DNAJA2: variants seen among roughly 807,000 people sequenced by gnomAD.
The protein encoded by DNAJA2 is dnaJ homolog subfamily A member 2.
Under a neutral mutation model 49.3 loss-of-function variants are expected in DNAJA2, and 6 were observed. The ratio of observed to expected loss-of-function variants is 0.12; its 90% confidence interval spans 0.07 to 0.24. The LOEUF is 0.24. DNAJA2 is among the 10% of genes least tolerant of loss of function. The probability of loss-of-function intolerance (pLI) is 1.00; values close to 1 mark genes in which losing one functional copy is unlikely to be tolerated. For synonymous variants in DNAJA2, 160 were observed against 172.7 expected (o/e 0.93, Z 0.58); for missense variants, 347 against 516.8 (o/e 0.67, Z 3.19).
At chr16:46,962,221 AG>A (rs1567353138) in intron 6 of DNAJA2, among the ~76,000 whole-genome samples, 1 of 152,238 alleles carries the variant, frequency 6.6e-6, no homozygotes, top group Non-Finnish European at 1.5e-5. Context: ...CAAAAAGTCC[AG>A]GGAAGCCAAA....
chr16:46,955,818 G>A lies in DNAJA2; in HGVS notation c.*1211C>T, dbSNP rs191553370. 11 of 151,394 alleles carry A rather than the reference G, an allele frequency of 7.3e-5. No individual in the cohort carries two copies. In the East Asian group the frequency reaches 1.2e-3, roughly 16 times the overall value. 9.4% of individuals were successfully genotyped at this position (151,394 alleles called of 1,614,324 possible). On this transcript the variant is annotated 3_prime_UTR_variant, in exon 9 of 9. Transcript: ENST00000317089. ...TGATGGAAAGAGAAACACAACATCC[G>A]TTTCATCAATTTTACCTGATTTTTC...
At chr16:46,967,744 C>T in intron 4 of DNAJA2, 98 bp from the exon 5 acceptor site, 1 of 1,467,958 alleles carries the variant, frequency 6.8e-7, no homozygotes, top group Non-Finnish European at 9.3e-7. Context: ...ATCTTCAACC[C>T]CAATAACTTG....
intron 6 of DNAJA2, among the ~76,000 whole-genome samples, chr16:46,959,797 A>C (rs1961869102): frequency 6.6e-6 from 1 of 152,330 alleles, no homozygotes; most frequent in South Asian, 2.1e-4. Flanking sequence ...TGCTCCCCAG[A>C]CATGATCGTA....
intron 6 of DNAJA2, among the ~76,000 whole-genome samples, chr16:46,963,085 C>G (rs1262955989): frequency 6.6e-6 from 1 of 152,146 alleles, no homozygotes; most frequent in Non-Finnish European, 1.5e-5. Flanking sequence ...TTTCACTGAA[C>G]ATAATACAAA....
chr16:46,959,591 A>C lies in DNAJA2; in HGVS notation c.775-172T>G, dbSNP rs1961865844. 8.8e-6 allele frequency: 5 copies of C among 567,272 alleles called. No individual in the cohort carries two copies. In the South Asian group the frequency reaches 1.3e-4, roughly 15 times the overall value. The allele number at this position is 567,272 out of a possible 1,614,324, so 35.1% of individuals were successfully genotyped here. On this transcript the variant is annotated intron_variant, in intron 6 of 8. Transcript: ENST00000317089. ...GCATTAGGAAAGCTAGCTATTCCCA[A>C]GTAGTATGTGAGAAACTTCCATGAG... is the stretch of plus-strand genomic sequence containing the variant.
At chr16:46,966,036 CAACGTGGCAA>C in intron 5 of DNAJA2, among the ~76,000 whole-genome samples, 1 of 152,034 alleles carries the variant, frequency 6.6e-6, no homozygotes, top group East Asian at 1.9e-4. Context: ...CCAGCCTGGG[CAACGTGGCAA>C]AACCCCATCT....
chr16:46,963,763 T>A (rs1188382098), intron 6 of DNAJA2, among the ~76,000 whole-genome samples: 8 of 152,036 alleles, frequency 5.3e-5, no homozygotes, highest in Admixed American at 2.0e-4. Flanking sequence ...AAAAAAATAT[T>A]TTTTTTAAAA....
chr16:46,958,494 G>A (rs1961847812), intron 8 of DNAJA2: 2 of 151,706 alleles, frequency 1.3e-5, no homozygotes. Context: ...AACCCAGGAG[G>A]TGGAGCTTGC....
At chr16:46,958,872 A>C in intron 8 of DNAJA2, 131 bp downstream of exon 8, 1 of 923,620 alleles carries the variant, frequency 1.1e-6, no homozygotes, top group Non-Finnish European at 1.6e-6. Flanking sequence ...TCAGCCCAGG[A>C]GGTCGAGGCT....
chr16:46,971,392 G>C lies in DNAJA2; in HGVS notation c.319C>G (p.Arg107Gly). The change falls in exon 3 of 9, where the codon CGA becomes GGA. Residue 107 changes from arginine to glycine, a missense_variant. Coordinates refer to ENST00000317089, the MANE Select transcript of DNAJA2 (RefSeq NM_005880.4). ...TCCTCTCCTCTTCTTCTGCCATTTCGACTTCTACTCTGATTGCCCATGAAG... is the reference window on the plus strand; with the variant it reads ...TCCTCTCCTCTTCTTCTGCCATTTCCACTTCTACTCTGATTGCCCATGAAG... ...FGFMGNQSRS[R>G]NGRRRGEDMM... is the part of the protein sequence containing the mutation. 6.2e-7 allele frequency: 1 copy of C among 1,613,564 alleles called. No homozygotes were observed. The highest frequency in any genetic ancestry group is 8.5e-7 in the Non-Finnish European group (1 of 1,179,860).
intron 6 of DNAJA2, among the ~76,000 whole-genome samples, chr16:46,960,379 T>C (rs900005757): frequency 2.8e-4 from 43 of 152,212 alleles, no homozygotes; most frequent in African/African-American, 8.0e-4. Flanking sequence ...CTTGTGTGTG[T>C]GCTAAAGTTT....
chr16:46,969,824 T>C (rs566067361), intron 3 of DNAJA2, among the ~76,000 whole-genome samples: 2 of 152,360 alleles, frequency 1.3e-5, no homozygotes, highest in South Asian at 2.1e-4. Flanking sequence ...ACTTTCACTA[T>C]ATAGCATAAC....
At chr16:46,963,736 A>G (rs1961930691) in intron 6 of DNAJA2, among the ~76,000 whole-genome samples, 1 of 152,084 alleles carries the variant, frequency 6.6e-6, no homozygotes, top group Non-Finnish European at 1.5e-5. Flanking sequence ...TAGTGACCAC[A>G]TTCTTCAGAA....
intron 6 of DNAJA2, among the ~76,000 whole-genome samples, chr16:46,963,406 C>T (rs1175235957): frequency 6.6e-6 from 1 of 151,898 alleles, no homozygotes; most frequent in East Asian, 1.9e-4. Context: ...CTGTGGCTCA[C>T]ACCTGTAATC....
In DNAJA2 at chr16:46,967,530, G is replaced by C. The variant is rs1354113089; in HGVS notation, c.560C>G (p.Ser187Cys). ...GMVQQMQSVC[S>C]DCNGEGEVIN... ...ACACATACCTTCTCCATTACAATCA[G>C]AGCACACAGACTGCATCTGTTGTAC... Residue 187 changes from serine (S) to cysteine (C), a missense_variant, in exon 5 of 9, where the codon TCT becomes TGT. Ser to Cys is a moderately radical substitution (Grantham distance 112). Transcript: ENST00000317089. 8.1e-6 allele frequency: 13 copies of C among 1,614,100 alleles called. No homozygotes were observed. Among genetic ancestry groups the C allele is most frequent in the East Asian group, 2.2e-5 (1 of 44,884 alleles).
chr16:46,957,283 C>T, intron 8 of DNAJA2, 63 bp from the exon 9 acceptor site: 3 of 1,415,652 alleles, frequency 2.1e-6, no homozygotes, highest in Non-Finnish European at 2.9e-6. Flanking sequence ...CCTTTTGATA[C>T]ATAGAATCCA....
At chr16:46,964,243 A>G (rs919766044) in intron 6 of DNAJA2, among the ~76,000 whole-genome samples, 10 of 152,040 alleles carry the variant, frequency 6.6e-5, no homozygotes, top group Non-Finnish European at 1.2e-4. Flanking sequence ...GTGAAGAAGC[A>G]TGCCTGTAGT....
intron 2 of DNAJA2, 31 bp downstream of exon 2, chr16:46,971,865 C>T: frequency 3.2e-6 from 5 of 1,583,004 alleles, no homozygotes; most frequent in African/African-American, 1.3e-5. Context: ...AAGCTAAAAC[C>T]CCCGGAATAA....
chr16:46,958,877 G>C, intron 8 of DNAJA2, 126 bp downstream of exon 8: 1 of 1,023,554 alleles, frequency 9.8e-7, no homozygotes. Context: ...CCAGGAGGTC[G>C]AGGCTGCAGT....
Sources: gnomAD v4.1 joint callset for allele counts (sites outside exome capture counted in the v4.1 genomes callset) on GRCh38, gnomAD v4.1.1 for gene constraint, MANE v1.5 for transcripts, NCBI Gene and HGNC (gene_info 2026-07-23, HGNC 2026-07-21) for gene names.